Variants in CTNNA2 observed in about 807,000 individuals in gnomAD.
CTNNA2 encodes catenin alpha 2, also known as catenin alpha-2.
Under a neutral mutation model 101.0 loss-of-function variants are expected in CTNNA2, and 42 were observed. The ratio of observed to expected loss-of-function variants is 0.42; its 90% CI spans 0.32 to 0.54. The LOEUF is 0.54. Among genes scored for constraint, CTNNA2 ranks in the 20% least tolerant of loss-of-function variants. CTNNA2 has a pLI of 0.14. For synonymous variants in CTNNA2, 450 were observed against 456.4 expected (o/e 0.99, Z 0.18); for missense variants, 871 against 1,223.1 (o/e 0.71, Z 4.29).
At chr2:80,343,179 C>T (rs1672391867) in intron 7 of CTNNA2, among the ~76,000 whole-genome samples, 1 of 152,170 alleles carries the variant, frequency 6.6e-6, no homozygotes, top group Non-Finnish European at 1.5e-5. Flanking sequence ...GAGGTTATGA[C>T]TTCAACATCA....
At chr2:80,468,112 G>A (rs1349589809) in intron 9 of CTNNA2, among the ~76,000 whole-genome samples, 2 of 152,168 alleles carry the variant, frequency 1.3e-5, no homozygotes, top group Non-Finnish European at 2.9e-5. Context: ...GGAAGAACCT[G>A]TGGCCTATTC....
rs1684283797 is a variant in CTNNA2, at chr2:79,891,258, A to G, written c.852+16916A>G. 1.3e-5 allele frequency among the ~76,000 whole-genome samples: 2 copies of G among 152,162 alleles called. 1 individual carries two copies. The highest frequency in any genetic ancestry group is 4.1e-4 in the South Asian group (2 of 4,832). ...GCCTACCAAAACTGACCAGATTTGCATGGAAGTTAAGAATCGTGTTTTATT... is the reference window on the plus strand; with the variant it reads ...GCCTACCAAAACTGACCAGATTTGCGTGGAAGTTAAGAATCGTGTTTTATT... On this transcript the variant is annotated intron_variant, in intron 6 of 18. Transcript: ENST00000402739.
chr2:80,574,921 T>C (rs1456424727), intron 13 of CTNNA2, among the ~76,000 whole-genome samples: 1 of 152,230 alleles, frequency 6.6e-6, no homozygotes, highest in Non-Finnish European at 1.5e-5. Flanking sequence ...GCCTAGAAAA[T>C]ATATATTGTA....
chr2:80,618,536 T>C (rs1271656300), intron 17 of CTNNA2, among the ~76,000 whole-genome samples: 1 of 151,906 alleles, frequency 6.6e-6, no homozygotes, highest in African/African-American at 2.4e-5. Flanking sequence ...GTTGCAATTG[T>C]AGCAACAATG....
At chr2:80,626,422 A>T (rs546786565) in intron 18 of CTNNA2, among the ~76,000 whole-genome samples, 8 of 152,168 alleles carry the variant, frequency 5.3e-5, no homozygotes, top group African/African-American at 1.9e-4. Flanking sequence ...CTTCCTAGCT[A>T]TGTTAGTACC....
intron 2 of CTNNA2, among the ~76,000 whole-genome samples, chr2:79,210,042 A>G (rs996043964): frequency 6.8e-6 from 1 of 146,244 alleles, no homozygotes; most frequent in African/African-American, 2.6e-5. Context: ...TTCTACCAGA[A>G]GGCACACCCT....
chr2:79,366,437 A>C (rs1281824810), intron 3 of CTNNA2, among the ~76,000 whole-genome samples: 1 of 152,082 alleles, frequency 6.6e-6, no homozygotes, highest in Non-Finnish European at 1.5e-5. Context: ...TTTTTTCCTA[A>C]TTATGTTCTC....
chr2:79,955,811 C>T (rs969751054), intron 7 of CTNNA2, among the ~76,000 whole-genome samples: 7 of 152,168 alleles, frequency 4.6e-5, no homozygotes, highest in African/African-American at 1.7e-4. Flanking sequence ...CCACCACACT[C>T]GGCCCCCAGG....
At chr2:80,313,418 G>C (rs190824737) in intron 7 of CTNNA2, 1 of 1,444,978 alleles carries the variant, frequency 6.9e-7, no homozygotes, top group African/African-American at 1.4e-5. Flanking sequence ...TACCCTGTGT[G>C]TTCACAGTTC....
At chr2:80,526,215 T>A (rs1175549656) in intron 9 of CTNNA2, among the ~76,000 whole-genome samples, 1 of 152,102 alleles carries the variant, frequency 6.6e-6, no homozygotes, top group Admixed American at 6.5e-5. Context: ...CTTTTCTTTT[T>A]TTGAGACAGA....
rs548384676 is a variant in CTNNA2 at position 80,044,980 on chromosome 2, G to A, written c.1056+135183G>A. ...CAAGTTATTGGAAATGTTGAGCTGGGCACCCAAGATGGCTTACTCGGTTGC... is the reference window on the plus strand; with the variant it reads ...CAAGTTATTGGAAATGTTGAGCTGGACACCCAAGATGGCTTACTCGGTTGC... On this transcript the variant is annotated intron_variant, in intron 7 of 18. Transcript: ENST00000402739. 1.1e-4 allele frequency among the ~76,000 whole-genome samples: 16 copies of A among 152,248 alleles called. No individual in the cohort carries two copies. In the South Asian group the frequency reaches 3.3e-3, roughly 32 times the overall value.
chr2:79,490,724 T>A (rs1364115481), intron 4 of CTNNA2, among the ~76,000 whole-genome samples: 1 of 152,238 alleles, frequency 6.6e-6, no homozygotes, highest in East Asian at 1.9e-4. Flanking sequence ...TAAAGTTCAC[T>A]AGAAATAATT....
At chr2:79,661,517 C>A (rs1034724936) in intron 2 of CTNNA2, among the ~76,000 whole-genome samples, 5 of 152,168 alleles carry the variant, frequency 3.3e-5, no homozygotes, top group South Asian at 2.1e-4. Context: ...GGGTTTCCCC[C>A]ACAAGATACT....
At chr2:79,670,435 G>A (rs921771328) in intron 2 of CTNNA2, among the ~76,000 whole-genome samples, 1 of 152,194 alleles carries the variant, frequency 6.6e-6, no homozygotes, top group African/African-American at 2.4e-5. Context: ...TGCAGCGGCA[G>A]GGGGAGCTCC....
intron 2 of CTNNA2, among the ~76,000 whole-genome samples, chr2:79,709,432 T>C (rs1287005739): frequency 1.3e-5 from 2 of 152,144 alleles, no homozygotes; most frequent in Non-Finnish European, 1.5e-5. Flanking sequence ...CATTGCACTC[T>C]TCTGAGCCTC....
chr2:79,313,286 A>T (rs930351748), intron 3 of CTNNA2, among the ~76,000 whole-genome samples: 2 of 152,218 alleles, frequency 1.3e-5, no homozygotes, highest in African/African-American at 4.8e-5. Context: ...CAAACACATC[A>T]GTCTGGTCAC....
In CTNNA2 at chr2:80,263,851, C is replaced by T. The variant is rs79026376; in HGVS notation, c.1057-129360C>T. ...GTTCCACTGAAACATTTTTTACAGC[C>T]ACTGAATGTCTTCCAGAGCAACCCT... On this transcript the variant is annotated intron_variant, in intron 7 of 18. Transcript: ENST00000402739. Among the ~76,000 whole-genome samples the T allele has an allele frequency of 3.4e-3, 513 of 152,296 alleles. 3 individuals carry two copies. Among genetic ancestry groups the T allele is most frequent in the African/African-American group, 0.012 (486 of 41,564 alleles).
At position 79,718,132 on chromosome 2, in the gene CTNNA2, C is replaced by T. The variant is rs193049326; in HGVS notation, c.103-26255C>T. Among the ~76,000 whole-genome samples the T allele has an allele frequency of 1.8e-3, 267 of 152,268 alleles. 2 individuals carry two copies. The highest frequency in any genetic ancestry group is 5.8e-3 in the African/African-American group (240 of 41,560). ...AAAAAGTCAGCAGATGTGATAACTT[C>T]CTATAGTAATAGTGTTTCCCTTGCA... On this transcript the variant is annotated intron_variant, in intron 2 of 18. Transcript: ENST00000402739.
At chr2:80,587,609 T>C (rs887099715) in intron 14 of CTNNA2, among the ~76,000 whole-genome samples, 9 of 152,236 alleles carry the variant, frequency 5.9e-5, no homozygotes, top group African/African-American at 2.2e-4. Context: ...CCAGTTCTTC[T>C]GAGCTCACAT....
Sources: allele counts gnomAD v4.1 joint callset (sites outside exome capture counted in the v4.1 genomes callset), GRCh38; gene constraint gnomAD v4.1.1; transcripts MANE v1.5; gene names NCBI Gene and HGNC (gene_info 2026-07-23, HGNC 2026-07-21).